STIM2: variants seen among roughly 807,000 people sequenced by gnomAD.
STIM2 encodes stromal interaction molecule 2.
Under a neutral mutation model 85.8 loss-of-function variants are expected in STIM2, and 31 were observed. The ratio of observed to expected loss-of-function variants is 0.36; its 90% CI spans 0.27 to 0.49. STIM2 has a LOEUF of 0.49. Ranked by LOEUF, STIM2 falls within the 20% of genes least tolerant of loss-of-function variation. The pLI is 0.98. For missense variants in STIM2, 841 were observed against 927.6 expected (o/e 0.91, Z 1.21); for synonymous variants, 356 against 331.1 (o/e 1.08, Z -0.82).
chr4:26,864,247 A>G (rs1722315217), intron 1 of STIM2, among the ~76,000 whole-genome samples: 1 of 152,146 alleles, frequency 6.6e-6, no homozygotes, highest in Non-Finnish European at 1.5e-5. Context: ...TTTAAATTAC[A>G]TATACAGCGC....
At chr4:26,929,533 TTAA>T (rs1454966405) in intron 2 of STIM2, among the ~76,000 whole-genome samples, 4 of 152,156 alleles carry the variant, frequency 2.6e-5, no homozygotes, top group African/African-American at 9.7e-5. Context: ...TTTAAAGTAC[TTAA>T]TTTCTTGTGA....
intron 3 of STIM2, among the ~76,000 whole-genome samples, chr4:26,994,829 TAGAG>T (rs1727898100): frequency 1.3e-5 from 2 of 152,094 alleles, no homozygotes; most frequent in Non-Finnish European, 2.9e-5. Flanking sequence ...GTCAGCTCCT[TAGAG>T]AGGCTTACCC....
At chr4:26,918,039 C>T (rs1016445010) in intron 1 of STIM2, among the ~76,000 whole-genome samples, 5 of 151,996 alleles carry the variant, frequency 3.3e-5, no homozygotes, top group African/African-American at 1.2e-4. Flanking sequence ...TGTATGTACA[C>T]GTATTTATAT....
At chr4:26,976,367 G>A (rs1414226862) in intron 3 of STIM2, among the ~76,000 whole-genome samples, 3 of 149,248 alleles carry the variant, frequency 2.0e-5, no homozygotes, top group East Asian at 2.0e-4. Context: ...GTTCCTATTC[G>A]GCCATCTTGG....
intron 2 of STIM2, among the ~76,000 whole-genome samples, chr4:26,945,793 G>T (rs4444821): frequency 0.017 from 2,637 of 150,864 alleles, 78 homozygotes; most frequent in African/African-American, 0.06. Context: ...TTTTAATGGG[G>T]TTTTTTTTTC....
intron 7 of STIM2, among the ~76,000 whole-genome samples, chr4:27,006,485 C>T (rs535574725): frequency 3.3e-5 from 5 of 152,248 alleles, no homozygotes; most frequent in Non-Finnish European, 5.9e-5. Flanking sequence ...CGTAGTCGCT[C>T]GTAGCTTTGC....
chr4:26,882,457 T>C (rs78287490), intron 1 of STIM2, among the ~76,000 whole-genome samples: 161 of 64,622 alleles, frequency 2.5e-3, no homozygotes, highest in East Asian at 0.02. Context: ...TTCTTTCTTT[T>C]TTTTTGTTTT....
rs115667096 is a variant in STIM2, at chr4:27,016,321, C to T, written c.1490-1390C>T. On this transcript the variant is annotated intron_variant, in intron 10 of 11. Coordinates refer to ENST00000467087, the MANE Select transcript of STIM2 (RefSeq NM_020860.4). ...ACAGCAGTTTCTTGTGTTTGCATAG[C>T]GGATTGCTTTCTCTCTCCTGTTTTA... Among the ~76,000 whole-genome samples, 308 of 152,208 alleles carry T rather than the reference C, an allele frequency of 2.0e-3. 1 individual carries two copies. The highest frequency in any genetic ancestry group is 7.0e-3 in the African/African-American group (292 of 41,550).
chr4:26,997,822 A>G (rs1281348335), intron 4 of STIM2, among the ~76,000 whole-genome samples: 1 of 152,228 alleles, frequency 6.6e-6, no homozygotes, highest in Non-Finnish European at 1.5e-5. Context: ...TGTGGAGAAG[A>G]TAAAGGAAGG....
intron 2 of STIM2, among the ~76,000 whole-genome samples, chr4:26,936,946 GC>G (rs1378485409): frequency 6.6e-6 from 1 of 152,028 alleles, no homozygotes; most frequent in East Asian, 1.9e-4. Flanking sequence ...GAGCCACCAT[GC>G]CTGGCTAATT....
intron 2 of STIM2, among the ~76,000 whole-genome samples, chr4:26,927,973 T>C (rs1376297494): frequency 6.6e-6 from 1 of 151,270 alleles, no homozygotes; most frequent in African/African-American, 2.4e-5. Context: ...AACAGAAATT[T>C]ATTGACTCAC....
intron 8 of STIM2, 47 bp downstream of exon 8, chr4:27,007,747 C>A (rs1037089259): frequency 6.8e-7 from 1 of 1,474,030 alleles, no homozygotes; most frequent in African/African-American, 1.4e-5. Flanking sequence ...TCTTAGGCTG[C>A]ATTCTTAGAG....
At position 27,007,582 on chromosome 4, in the gene STIM2, G is replaced by A. The variant is rs749732722; in HGVS notation, c.1031G>A (p.Ser344Asn). Residue 344 changes from serine to asparagine, a missense_variant, in exon 8 of 12, where the codon AGT becomes AAT. By Grantham distance (46) the Ser-to-Asn change is conservative. Transcript: ENST00000467087. ...GAAAAAGAATTTGAACTGAGAAGCA[G>A]TTGGTCTGTTCCAGATGCACTTCAG... 3 of 1,593,510 alleles carry A rather than the reference G, an allele frequency of 1.9e-6. No individual in the cohort carries two copies. The highest frequency in any genetic ancestry group is 1.3e-5 in the African/African-American group (1 of 74,240).
intron 11 of STIM2, among the ~76,000 whole-genome samples, chr4:27,020,511 G>T (rs897974933): frequency 6.6e-6 from 1 of 152,180 alleles, no homozygotes; most frequent in Non-Finnish European, 1.5e-5. Context: ...GAAACCATTA[G>T]GTCGTTATTT....
intron 2 of STIM2, among the ~76,000 whole-genome samples, chr4:26,935,888 A>G (rs1725373595): frequency 6.6e-6 from 1 of 152,326 alleles, no homozygotes; most frequent in Non-Finnish European, 1.5e-5. Context: ...CACAATATTT[A>G]TAAATATAAA....
At chr4:27,018,676 C>T (rs373098953) in intron 11 of STIM2, among the ~76,000 whole-genome samples, 2 of 152,124 alleles carry the variant, frequency 1.3e-5, no homozygotes, top group African/African-American at 4.8e-5. Context: ...TTCTGCCTAC[C>T]ACAGACATGT....
rs990459431 is a variant in STIM2 at position 27,024,496 on chromosome 4, A to C, written c.*1500A>C. The stretch of plus-strand genomic sequence containing the variant: ...TGAAAATGCTAATTGATAAACCAGA[A>C]GTTTCTTTTGAGATTTGCTTTAAAG... On this transcript the variant is annotated 3_prime_UTR_variant, in exon 12 of 12. Coordinates refer to ENST00000467087, the MANE Select transcript of STIM2 (RefSeq NM_020860.4). 6.6e-6 allele frequency: 1 copy of C among 152,242 alleles called. No homozygotes were observed. Among genetic ancestry groups the C allele is most frequent in the African/African-American group, 2.4e-5 (1 of 41,462 alleles). 9.4% of individuals were successfully genotyped at this position (152,242 alleles called of 1,614,324 possible).
At chr4:26,865,734 A>T (rs1449565866) in intron 1 of STIM2, among the ~76,000 whole-genome samples, 1 of 152,120 alleles carries the variant, frequency 6.6e-6, no homozygotes, top group South Asian at 2.1e-4. Flanking sequence ...GTTAAGATCT[A>T]CCTAGGAATT....
intron 1 of STIM2, among the ~76,000 whole-genome samples, chr4:26,900,888 C>G (rs1231838697): frequency 6.6e-6 from 1 of 152,170 alleles, no homozygotes; most frequent in Non-Finnish European, 1.5e-5. Context: ...CTTACTGAAG[C>G]CAAGAGCAGG....
Sources: gnomAD v4.1 joint callset for allele counts (sites outside exome capture counted in the v4.1 genomes callset) on GRCh38, gnomAD v4.1.1 for gene constraint, MANE v1.5 for transcripts, NCBI Gene and HGNC (gene_info 2026-07-23, HGNC 2026-07-21) for gene names.